Variants in ZNF536 observed in about 807,000 individuals in gnomAD.
ZNF536 encodes the protein zinc finger protein 536.
In ZNF536, 13 loss-of-function variants were observed where a neutral mutation model predicts 84.5. That is an observed-to-expected ratio of 0.15 (90% CI 0.10 to 0.24). ZNF536 has a LOEUF of 0.24. Ranked by LOEUF, ZNF536 falls within the 10% of genes least tolerant of loss-of-function variation. The pLI is 1.00. For synonymous variants in ZNF536, 811 were observed against 742.5 expected (o/e 1.09, Z -1.50); for missense variants, 1,536 against 1,747.5 (o/e 0.88, Z 2.16).
rs573221991 is a variant in ZNF536 at position 30,385,258 on chromosome 19, GT to G, written c.-3+12703del. On this transcript the variant is annotated intron_variant, in intron 1 of 4. Coordinates refer to ENST00000355537, the MANE Select transcript of ZNF536 (RefSeq NM_014717.3). ...GAAGGAAGAGCCGGTGGTGGAGTTTGTCTAGCAACCGCCCAGAGACTGAGGG... is the reference window on the plus strand; with the variant it reads ...GAAGGAAGAGCCGGTGGTGGAGTTTGCTAGCAACCGCCCAGAGACTGAGGG... Among the ~76,000 whole-genome samples, 411 of 152,192 alleles carry G rather than the reference GT, an allele frequency of 2.7e-3. 1 individual carries two copies. Among genetic ancestry groups the G allele is most frequent in the Non-Finnish European group, 4.2e-3 (286 of 68,014 alleles).
At position 30,443,698 on chromosome 19, in the gene ZNF536, G is replaced by A. The variant is rs2148149205; in HGVS notation, c.136G>A (p.Ala46Thr). 3 of 1,613,830 alleles carry A rather than the reference G, an allele frequency of 1.9e-6. No homozygotes were observed. Among genetic ancestry groups the A allele is most frequent in the Non-Finnish European group, 2.5e-6 (3 of 1,179,962 alleles). ...LHQITSQLSHAFPELHPRPNP... is the reference protein window; with the variant it reads ...LHQITSQLSHTFPELHPRPNP... Reference sequence around the variant, plus strand: ...CCAGATCACCTCCCAGCTCAGCCATGCCTTCCCCGAGCTCCATCCCCGGCC... The same window carrying A: ...CCAGATCACCTCCCAGCTCAGCCATACCTTCCCCGAGCTCCATCCCCGGCC... The change falls in exon 2 of 5, where the codon GCC (alanine) becomes ACC (threonine). Residue 46 changes from alanine (A) to threonine (T), a missense_variant. Transcript: ENST00000355537.
chr19:30,365,042 C>T (rs1180096217), intron 3 of ZNF536, among the ~76,000 whole-genome samples: 3 of 152,192 alleles, frequency 2.0e-5, no homozygotes, highest in Admixed American at 1.3e-4. Flanking sequence ...GGTCAAGACC[C>T]GTGGCTTTTA....
At chr19:30,262,774 T>C (rs1230725703) in intron 1 of ZNF536, among the ~76,000 whole-genome samples, 1 of 152,166 alleles carries the variant, frequency 6.6e-6, no homozygotes, top group Non-Finnish European at 1.5e-5. Flanking sequence ...TGCCTGACTC[T>C]GCGATGCCCA....
intron 4 of ZNF536, chr19:30,554,408 A>C (rs1463045571): frequency 6.6e-6 from 1 of 151,758 alleles, no homozygotes; most frequent in African/African-American, 2.4e-5. Context: ...GGTGCACGCC[A>C]CCACACCTGG....
At chr19:30,457,308 T>C (rs561431481) in intron 2 of ZNF536, among the ~76,000 whole-genome samples, 50 of 152,348 alleles carry the variant, frequency 3.3e-4, no homozygotes, top group African/African-American at 1.1e-3. Flanking sequence ...CCTGGTGACT[T>C]CCTGGAGGAA....
chr19:30,360,290 A>G (rs1176717705), intron 3 of ZNF536, among the ~76,000 whole-genome samples: 3 of 152,210 alleles, frequency 2.0e-5, no homozygotes, highest in Admixed American at 2.0e-4. Context: ...TCCTGTTCAC[A>G]TGCAACATGG....
intron 1 of ZNF536, among the ~76,000 whole-genome samples, chr19:30,267,803 T>C (rs1168838017): frequency 6.6e-6 from 1 of 152,132 alleles, no homozygotes; most frequent in East Asian, 1.9e-4. Flanking sequence ...GTATTGATAG[T>C]GAGTTTTCAC....
chr19:30,644,710 G>T (rs2147374091), intron 1 of ZNF536, among the ~76,000 whole-genome samples: 1 of 152,232 alleles, frequency 6.6e-6, no homozygotes, highest in East Asian at 1.9e-4. Flanking sequence ...CCTTTTTTAT[G>T]GCTGCACAGT....
intron 2 of ZNF536, among the ~76,000 whole-genome samples, chr19:30,310,589 G>A (rs939217706): frequency 1.3e-5 from 2 of 152,166 alleles, no homozygotes; most frequent in African/African-American, 4.8e-5. Context: ...CATTTAAGGC[G>A]AAAAGTGGGG....
chr19:30,638,488 GA>G (rs1457444764), intron 1 of ZNF536, among the ~76,000 whole-genome samples: 4 of 152,180 alleles, frequency 2.6e-5, no homozygotes, highest in East Asian at 1.9e-4. Context: ...GGAAGCGTGA[GA>G]GGGGGGAAGT....
At chr19:30,494,692 TCTCAGCA>T (rs2054643276) in intron 2 of ZNF536, among the ~76,000 whole-genome samples, 1 of 152,128 alleles carries the variant, frequency 6.6e-6, no homozygotes, top group African/African-American at 2.4e-5. Flanking sequence ...GACCCTGTAA[TCTCAGCA>T]CTTTGGGAGG....
At chr19:30,244,499 G>A (rs1454632317) in intron 1 of ZNF536, among the ~76,000 whole-genome samples, 1 of 152,184 alleles carries the variant, frequency 6.6e-6, no homozygotes, top group East Asian at 1.9e-4. Flanking sequence ...CAACTCACTT[G>A]AACTTGGAGA....
At chr19:30,432,018 TACAC>T (rs368404408) in intron 1 of ZNF536, among the ~76,000 whole-genome samples, 1 of 145,634 alleles carries the variant, frequency 6.9e-6, no homozygotes, top group Non-Finnish European at 1.5e-5. Context: ...CACACACACA[TACAC>T]ACACACACAC....
chr19:30,631,748 G>A (rs984445091), intron 1 of ZNF536, among the ~76,000 whole-genome samples: 3 of 152,166 alleles, frequency 2.0e-5, no homozygotes, highest in East Asian at 1.9e-4. Context: ...CTGCTTCTGC[G>A]CTAACCCAAG....
intron 2 of ZNF536, among the ~76,000 whole-genome samples, chr19:30,512,832 G>A (rs2055471682): frequency 6.6e-6 from 1 of 152,184 alleles, no homozygotes. Context: ...TCTATAGAAT[G>A]CAAGCCTCAG....
chr19:30,507,001 A>G (rs1439112843), intron 2 of ZNF536, among the ~76,000 whole-genome samples: 1 of 152,244 alleles, frequency 6.6e-6, no homozygotes, highest in Middle Eastern at 3.2e-3. Context: ...GGATCGTAGT[A>G]TACAAATTGG....
chr19:30,260,140 A>T (rs1364564127), intron 1 of ZNF536, among the ~76,000 whole-genome samples: 1 of 152,200 alleles, frequency 6.6e-6, no homozygotes, highest in Non-Finnish European at 1.5e-5. Context: ...GTTGATCATT[A>T]GAATCTTGAA....
intron 2 of ZNF536, among the ~76,000 whole-genome samples, chr19:30,478,057 G>C (rs928659779): frequency 2.6e-5 from 4 of 151,988 alleles, no homozygotes; most frequent in African/African-American, 7.2e-5. Context: ...TGCAGACCTC[G>C]GCGTCCTTGA....
intron 1 of ZNF536, among the ~76,000 whole-genome samples, chr19:30,375,933 C>A (rs958472863): frequency 6.6e-6 from 1 of 151,884 alleles, no homozygotes; most frequent in Non-Finnish European, 1.5e-5. Flanking sequence ...TGTGTGTGCT[C>A]ATGTGCCTGT....
Sources: allele counts gnomAD v4.1 joint callset (sites outside exome capture counted in the v4.1 genomes callset), GRCh38; gene constraint gnomAD v4.1.1; transcripts MANE v1.5; gene names NCBI Gene and HGNC (gene_info 2026-07-23, HGNC 2026-07-21).